Variants in RAP1GDS1 observed in about 807,000 individuals in gnomAD.
RAP1GDS1 encodes the protein RAP1, GTP-GDP dissociation stimulator 1.
Under a neutral mutation model 71.1 loss-of-function variants are expected in RAP1GDS1, and 35 were observed. The ratio of observed to expected loss-of-function variants is 0.49; its 90% CI spans 0.38 to 0.65. The LOEUF is 0.65. RAP1GDS1 is among the 30% of genes least tolerant of loss of function. RAP1GDS1 has a pLI of 0.00. For synonymous variants in RAP1GDS1, 229 were observed against 243.1 expected (o/e 0.94, Z 0.54); for missense variants, 663 against 706.1 (o/e 0.94, Z 0.69).
chr4:98,288,464 C>T (rs955943913), intron 1 of RAP1GDS1, among the ~76,000 whole-genome samples: 1 of 152,122 alleles, frequency 6.6e-6, no homozygotes, highest in Non-Finnish European at 1.5e-5. Context: ...CAAGTCTTTG[C>T]TATTGTGAAT....
At chr4:98,318,595 G>A (rs116180085) in intron 2 of RAP1GDS1, among the ~76,000 whole-genome samples, 1,779 of 152,254 alleles carry the variant, frequency 0.012, 31 homozygotes, top group African/African-American at 0.04. Flanking sequence ...GGCATTGTGA[G>A]GTAGCAGTAG....
chr4:98,403,661 A>C (rs1423015585), intron 6 of RAP1GDS1, among the ~76,000 whole-genome samples: 1 of 152,202 alleles, frequency 6.6e-6, no homozygotes, highest in African/African-American at 2.4e-5. Context: ...GTTTGGTGCT[A>C]TGGAAGAGCA....
At chr4:98,403,014 T>A (rs114210690) in intron 6 of RAP1GDS1, among the ~76,000 whole-genome samples, 6 of 152,318 alleles carry the variant, frequency 3.9e-5, no homozygotes, top group African/African-American at 1.2e-4. Flanking sequence ...GCATCAACTC[T>A]AGGTGGGAAA....
chr4:98,393,807 T>G (rs1196240165), intron 6 of RAP1GDS1, among the ~76,000 whole-genome samples: 1 of 152,176 alleles, frequency 6.6e-6, no homozygotes, highest in Non-Finnish European at 1.5e-5. Flanking sequence ...TCATCAATAT[T>G]TCATATGTTG....
rs189900530 is a variant in RAP1GDS1, at chr4:98,368,289, A to G, written c.362-10728A>G. ...CCTGCCATGCGGAACTATAAGACCAATTAAACCTCTTCCTTTTGTAAATTG... is the reference window on the plus strand; with the variant it reads ...CCTGCCATGCGGAACTATAAGACCAGTTAAACCTCTTCCTTTTGTAAATTG... On this transcript the variant is annotated intron_variant, in intron 4 of 14. Coordinates refer to ENST00000408927, the MANE Select transcript of RAP1GDS1 (RefSeq NM_001100427.2). Among the ~76,000 whole-genome samples the G allele has an allele frequency of 6.4e-4, 97 of 152,306 alleles. 2 individuals are homozygous for G. The East Asian group carries it at 0.014, about 22-fold the overall frequency.
chr4:98,437,141 A>G, intron 14 of RAP1GDS1, 73 bp downstream of exon 14: 1 of 1,369,266 alleles, frequency 7.3e-7, no homozygotes, highest in Non-Finnish European at 9.5e-7. Context: ...GAGTAATAGT[A>G]AATGATGGTT....
chr4:98,276,311 T>C (rs1295257628), intron 1 of RAP1GDS1, among the ~76,000 whole-genome samples: 2 of 152,152 alleles, frequency 1.3e-5, no homozygotes, highest in African/African-American at 4.8e-5. Context: ...ACATATGAAT[T>C]TTTAGGGGAC....
intron 4 of RAP1GDS1, 115 bp from the exon 5 acceptor site, chr4:98,378,902 G>T: frequency 9.9e-7 from 1 of 1,005,900 alleles, no homozygotes. Context: ...GTCCTGCCTA[G>T]GTTTATTTTC....
intron 1 of RAP1GDS1, among the ~76,000 whole-genome samples, chr4:98,291,642 C>A (rs925163878): frequency 6.6e-6 from 1 of 152,098 alleles, no homozygotes; most frequent in Non-Finnish European, 1.5e-5. Context: ...GAGTTAAGGC[C>A]TCTATTTGTA....
At chr4:98,353,291 G>C (rs1737484261) in intron 4 of RAP1GDS1, among the ~76,000 whole-genome samples, 1 of 152,132 alleles carries the variant, frequency 6.6e-6, no homozygotes, top group African/African-American at 2.4e-5. Flanking sequence ...AGTTTTATTT[G>C]CTGAGCCAAA....
Position 98,311,759 on chromosome 4 carries a change from C to T in RAP1GDS1, c.112+18244C>T, listed in dbSNP as rs562889901. Reference sequence around the variant, plus strand: ...TCAAGCAGTCCTCCCACCTCAGCTTCCTGAATAGCTAGGATTGCAGGCATA... The same window carrying T: ...TCAAGCAGTCCTCCCACCTCAGCTTTCTGAATAGCTAGGATTGCAGGCATA... On this transcript the variant is annotated intron_variant, in intron 2 of 14. Transcript: ENST00000408927. Among the ~76,000 whole-genome samples the T allele has an allele frequency of 1.1e-4, 17 of 152,298 alleles. No individual in the cohort carries two copies. The South Asian group carries it at 3.1e-3, about 28-fold the overall frequency.
chr4:98,334,325 A>G (rs1415595212), intron 2 of RAP1GDS1, among the ~76,000 whole-genome samples: 2 of 152,112 alleles, frequency 1.3e-5, no homozygotes, highest in African/African-American at 4.8e-5. Context: ...AACCTCTTTT[A>G]CCCTTCCCCC....
chr4:98,262,467 A>AT (rs1220626177), intron 1 of RAP1GDS1, among the ~76,000 whole-genome samples: 1 of 152,202 alleles, frequency 6.6e-6, no homozygotes, highest in Non-Finnish European at 1.5e-5. Flanking sequence ...ATTTGACCTA[A>AT]TTTTTTTACA....
At chr4:98,433,282 T>C (rs1578873239) in intron 12 of RAP1GDS1, among the ~76,000 whole-genome samples, 2 of 152,024 alleles carry the variant, frequency 1.3e-5, no homozygotes, top group Admixed American at 6.6e-5. Context: ...GGCACTATCA[T>C]GAAAATTTAA....
chr4:98,429,223 A>G (rs941241532), intron 12 of RAP1GDS1, among the ~76,000 whole-genome samples: 1 of 150,140 alleles, frequency 6.7e-6, no homozygotes, highest in East Asian at 2.0e-4. Flanking sequence ...GCACCACTGC[A>G]CTCCAGCCTG....
Position 98,409,635 on chromosome 4 carries a change from A to G in RAP1GDS1, c.763+5033A>G, listed in dbSNP as rs1477123570. The stretch of plus-strand genomic sequence containing the variant: ...AAAGATAGGAAAAGAAAAAGAAGGG[A>G]GCCAAAGAGAAATGTACCTGAGTTC... On this transcript the variant is annotated intron_variant, in intron 7 of 14. Transcript: ENST00000408927. The G allele has an allele frequency of 1.6e-5, 4 of 255,272 alleles. No homozygotes were observed. In the South Asian group the frequency reaches 1.6e-4, roughly 10 times the overall value. 15.8% of individuals were successfully genotyped at this position (255,272 alleles called of 1,614,324 possible). A position where few individuals can be genotyped will look rare whatever the true frequency, so the allele number is the denominator to read the frequency against.
chr4:98,395,460 A>G (rs569029520), intron 6 of RAP1GDS1, among the ~76,000 whole-genome samples: 1 of 152,184 alleles, frequency 6.6e-6, no homozygotes, highest in African/African-American at 2.4e-5. Flanking sequence ...GTGCTTTCTC[A>G]CTAAGCAGTG....
chr4:98,443,015 A>ATTTTTTTTTCTTTTT lies in RAP1GDS1; in HGVS notation c.*907_*908insCTTTTTTTTTTTTTT, dbSNP rs543199019. 376 of 138,258 alleles carry ATTTTTTTTTCTTTTT rather than the reference A, an allele frequency of 2.7e-3. 8 individuals carry two copies. Among genetic ancestry groups the ATTTTTTTTTCTTTTT allele is most frequent in the African/African-American group, 5.0e-3 (127 of 25,314 alleles). The allele number at this position is 138,258 out of a possible 1,614,324, so 8.6% of individuals were successfully genotyped here. A position where few individuals can be genotyped will look rare whatever the true frequency, so the allele number is the denominator to read the frequency against. ...TGAGTATAGTTCATTGAAGAATGGA[A>ATTTTTTTTTCTTTTT]TTTTTTTTTTTTTTTTTTTTTTTGC... On this transcript the variant is annotated 3_prime_UTR_variant, in exon 15 of 15. Coordinates refer to ENST00000408927, the MANE Select transcript of RAP1GDS1 (RefSeq NM_001100427.2).
chr4:98,263,799 T>A (rs1313117327), intron 1 of RAP1GDS1, among the ~76,000 whole-genome samples: 1 of 152,220 alleles, frequency 6.6e-6, no homozygotes, highest in Non-Finnish European at 1.5e-5. Flanking sequence ...TGGTACATAT[T>A]ATCTAGTTGG....
Sources: gnomAD v4.1 joint callset for allele counts (sites outside exome capture counted in the v4.1 genomes callset) on GRCh38, gnomAD v4.1.1 for gene constraint, MANE v1.5 for transcripts, NCBI Gene and HGNC (gene_info 2026-07-23, HGNC 2026-07-21) for gene names.